SCAF4: variants seen among roughly 807,000 people sequenced by gnomAD.
SCAF4 encodes the protein SR-related CTD associated factor 4.
SCAF4 carries 25 observed loss-of-function variants against 129.8 expected under a neutral mutation model. The ratio of observed to expected loss-of-function variants is 0.19; its 90% CI spans 0.14 to 0.27. The LOEUF (loss-of-function observed/expected upper bound fraction) is 0.27. SCAF4 is among the 10% of genes least tolerant of loss of function. The pLI is 1.00. For missense variants in SCAF4, 1,246 were observed against 1,457.1 expected, an observed-to-expected ratio of 0.86 and a Z score of 2.36; for synonymous variants, 551 against 497.7, an observed-to-expected ratio of 1.11 and a Z score of -1.43.
At chr21:31,709,175 C>A (rs2050738768) in intron 1 of SCAF4, among the ~76,000 whole-genome samples, 1 of 152,056 alleles carries the variant, frequency 6.6e-6, no homozygotes, top group South Asian at 2.1e-4. Flanking sequence ...CACTGGTATC[C>A]CCATCACTGT....
Position 31,696,315 on chromosome 21 carries a change from T to G in SCAF4, c.960-94A>C, listed in dbSNP as rs191721460. Reference sequence around the variant, plus strand: ...AAACAGAGTGTTGTTCATGAGTCATTAACATTTTACTGAACCATATATTTA... The same window carrying G: ...AAACAGAGTGTTGTTCATGAGTCATGAACATTTTACTGAACCATATATTTA... On this transcript the variant is annotated intron_variant, in intron 8 of 19. Transcript: ENST00000286835. 6.8e-5 allele frequency: 64 copies of G among 939,858 alleles called. No homozygotes were observed. In the African/African-American group the frequency reaches 9.5e-4, roughly 14 times the overall value. 58.2% of individuals were successfully genotyped at this position (939,858 alleles called of 1,614,324 possible).
At position 31,696,193 on chromosome 21, in the gene SCAF4, G is replaced by C. The variant is rs1298964786; in HGVS notation, c.988C>G (p.Pro330Ala). The C allele has an allele frequency of 1.9e-6, 3 of 1,613,678 alleles. No individual in the cohort carries two copies. The Admixed American group carries it at 5.0e-5, about 27-fold the overall frequency. The change falls in exon 9 of 20, where the codon CCA becomes GCA. Residue 330 changes from proline (P) to alanine (A), a missense_variant. Pro to Ala is a conservative substitution (Grantham distance 27). Around this residue, in one of 6 missense-constraint regions of SCAF4, gnomAD observed 236 missense variants for 210.0 expected, o/e 1.12. Transcript: ENST00000286835. ...ATATTTTGATGCTGTGTGTATGCTG[G>C]CTGCTGCATGCCATCTCCAGGAAAG... ...FGFPGDGMQQ[P>A]AYTQHQNMDQ... is the part of the protein sequence containing the mutation.
chr21:31,711,533 G>A (rs2050798771), intron 1 of SCAF4, among the ~76,000 whole-genome samples: 1 of 152,204 alleles, frequency 6.6e-6, no homozygotes, highest in Non-Finnish European at 1.5e-5. Context: ...CCATTTTACA[G>A]ATGATAGCAC....
At position 31,725,267 on chromosome 21, in the gene SCAF4, TA is replaced by T. The variant is rs143522390; in HGVS notation, c.30+6395del. 2.2e-3 allele frequency among the ~76,000 whole-genome samples: 326 copies of T among 149,148 alleles called. 2 individuals are homozygous for T. Among genetic ancestry groups the T allele is most frequent in the Non-Finnish European group, 3.2e-3 (212 of 66,980 alleles). On this transcript the variant is annotated intron_variant, in intron 1 of 19. Transcript: ENST00000286835. Reference sequence around the variant, plus strand: ...AACCCCAAACATTAACACTACAGGTTAAAAAAAAAATACTTAATAAGGCATC... The same window carrying T: ...AACCCCAAACATTAACACTACAGGTTAAAAAAAAATACTTAATAAGGCATC...
At chr21:31,686,478 G>A (rs1375902123) in intron 16 of SCAF4, among the ~76,000 whole-genome samples, 2 of 152,172 alleles carry the variant, frequency 1.3e-5, no homozygotes, top group African/African-American at 2.4e-5. Context: ...CCTTGAGCAA[G>A]CTATTTAAAT....
At chr21:31,690,752 C>T in intron 15 of SCAF4, 45 bp downstream of exon 15, 1 of 1,564,192 alleles carries the variant, frequency 6.4e-7, no homozygotes, top group Non-Finnish European at 8.7e-7. Context: ...ATATGTACTA[C>T]CAAGCAAATA....
In SCAF4 at chr21:31,694,934, G is replaced by A; in HGVS notation, c.1115C>T (p.Pro372Leu). 1 of 1,614,080 alleles carries A rather than the reference G, an allele frequency of 6.2e-7. No individual in the cohort carries two copies. Among genetic ancestry groups the A allele is most frequent in the South Asian group, 1.1e-5 (1 of 91,082 alleles). The change falls in exon 10 of 20, where the codon CCT (proline) becomes CTT (leucine). Residue 372 changes from proline to leucine, a missense_variant. Physicochemically the swap from Pro to Leu is moderately conservative, Grantham distance 98. Coordinates refer to ENST00000286835, the MANE Select transcript of SCAF4 (RefSeq NM_020706.2). ...NGQMPGFGLL[P>L]TPPFPPMAQP... Reference sequence around the variant, plus strand: ...AGCCATGGGAGGAAATGGAGGTGTAGGAAGAAGTCCAAATCCTGGCATTTG... The same window carrying A: ...AGCCATGGGAGGAAATGGAGGTGTAAGAAGAAGTCCAAATCCTGGCATTTG...
chr21:31,688,145 A>AAAT (rs2050172372), intron 16 of SCAF4, among the ~76,000 whole-genome samples, 162 bp downstream of exon 16: 1 of 143,694 alleles, frequency 7.0e-6, no homozygotes, highest in Non-Finnish European at 1.5e-5. Context: ...AAAAAAAAAA[A>AAAT]GTGAAGAATA....
intron 1 of SCAF4, chr21:31,706,740 G>A (rs889460667): frequency 8.6e-6 from 2 of 232,442 alleles, no homozygotes; most frequent in Admixed American, 5.4e-5. Context: ...GAAAGGGAGG[G>A]GGAGCAAAGA....
Position 31,729,210 on chromosome 21 carries a change from A to G in SCAF4, c.30+2453T>C, listed in dbSNP as rs538320079. Among the ~76,000 whole-genome samples the G allele has an allele frequency of 9.7e-4, 148 of 152,186 alleles. 1 individual carries two copies. Among genetic ancestry groups the G allele is most frequent in the Non-Finnish European group, 1.9e-3 (130 of 68,006 alleles). ...ACATGAAACTTGTCAGGCCCAAACTACTTTACCATCCTTACTTTCCAGTAG... is the reference window on the plus strand; with the variant it reads ...ACATGAAACTTGTCAGGCCCAAACTGCTTTACCATCCTTACTTTCCAGTAG... On this transcript the variant is annotated intron_variant, in intron 1 of 19. Transcript: ENST00000286835.
rs1601296227 is a variant in SCAF4 at position 31,732,033 on chromosome 21, C to T, written c.-341G>A. ...CCCTCACGCACTGGCTCACACTGGC[C>T]CGGCCGGCGAGCGGGCGGGCCTCTC... On this transcript the variant is annotated 5_prime_UTR_variant, in exon 1 of 20. Transcript: ENST00000286835. 2.3e-6 allele frequency: 1 copy of T among 435,108 alleles called. No individual in the cohort carries two copies. The highest frequency in any genetic ancestry group is 3.6e-5 in the East Asian group (1 of 27,970). 27.0% of individuals were successfully genotyped at this position (435,108 alleles called of 1,614,324 possible).
At position 31,671,761 on chromosome 21, in the gene SCAF4, G is replaced by A. The variant is rs764699131; in HGVS notation, c.3082C>T (p.Arg1028Cys). 8 of 1,613,976 alleles carry A rather than the reference G, an allele frequency of 5.0e-6. No individual in the cohort carries two copies. Among genetic ancestry groups the A allele is most frequent in the Middle Eastern group, 1.6e-4 (1 of 6,062 alleles). Residue 1028 changes from arginine to cysteine, a missense_variant, in exon 20 of 20, where the codon CGT becomes TGT. Arg to Cys is a radical substitution (Grantham distance 180). Coordinates refer to ENST00000286835, the MANE Select transcript of SCAF4 (RefSeq NM_020706.2). ...CTCCTTCCCCACTCTCTCCTGTCAC[G>A]GTTACTATTATCTCTATCATCATTA... Reference protein sequence around the residue: ...NRNDDRDNSNRDRREWGRRSP... With the variant: ...NRNDDRDNSNCDRREWGRRSP...
At chr21:31,700,779 G>A in intron 7 of SCAF4, 1 of 340,874 alleles carries the variant, frequency 2.9e-6, no homozygotes, top group Non-Finnish European at 5.2e-6. Flanking sequence ...TTTTACACTA[G>A]TAAATTCAGC....
rs1360475509 is a variant in SCAF4, at chr21:31,711,319, G to A, written c.31-4962C>T. 3.3e-5 allele frequency among the ~76,000 whole-genome samples: 5 copies of A among 152,108 alleles called. No individual in the cohort carries two copies. The East Asian group carries it at 5.8e-4, about 18-fold the overall frequency. On this transcript the variant is annotated intron_variant, in intron 1 of 19. Transcript: ENST00000286835. ...TATTTAATGCACAAATTCACCAAAC[G>A]GTCTCTACCTTTTGCAAGACAAAAA...
At position 31,701,083 on chromosome 21, in the gene SCAF4, A is replaced by G; in HGVS notation, c.689T>C (p.Ile230Thr). The change falls in exon 7 of 20, where the codon ATC becomes ACC. Residue 230 changes from isoleucine (I) to threonine (T), a missense_variant. This residue lies in a region of SCAF4 where 143 missense variants were observed against 161.0 expected (regional missense o/e 0.89). Coordinates refer to ENST00000286835, the MANE Select transcript of SCAF4 (RefSeq NM_020706.2). ...DNAVMAQVQAITAQLKTTPTQ... is the reference protein window; with the variant it reads ...DNAVMAQVQATTAQLKTTPTQ... ...AGGAGTTGTCTTTAACTGAGCTGTG[A>G]TAGCCTGAACCTGAGCCATCACAGC... The G allele has an allele frequency of 6.2e-7, 1 of 1,614,128 alleles. No homozygotes were observed. Among genetic ancestry groups the G allele is most frequent in the Non-Finnish European group, 8.5e-7 (1 of 1,180,000 alleles).
At chr21:31,703,503 T>A (rs941989770) in intron 4 of SCAF4, among the ~76,000 whole-genome samples, 4 of 152,052 alleles carry the variant, frequency 2.6e-5, no homozygotes, top group African/African-American at 9.7e-5. Context: ...TTACCCCTAG[T>A]CCCTGGCAAC....
intron 16 of SCAF4, among the ~76,000 whole-genome samples, chr21:31,686,217 G>GAAAAAAAAAAAAA (rs78764330): frequency 2.2e-5 from 2 of 88,898 alleles, no homozygotes; most frequent in Non-Finnish European, 2.2e-5. Context: ...AAAAAAAAAA[G>GAAAAAAAAAAAAA]AAAAAAAAAA....
intron 14 of SCAF4, among the ~76,000 whole-genome samples, chr21:31,691,452 A>G (rs545455173): frequency 6.6e-6 from 1 of 152,272 alleles, no homozygotes; most frequent in South Asian, 2.1e-4. Context: ...TTTGGTGAAT[A>G]TTTTTCAGTT....
chr21:31,689,444 C>T (rs2050205843), intron 15 of SCAF4, among the ~76,000 whole-genome samples: 1 of 150,740 alleles, frequency 6.6e-6, no homozygotes, highest in South Asian at 2.1e-4. Flanking sequence ...ATTACAGACA[C>T]CCGCCACCAC....
Sources: allele counts gnomAD v4.1 joint callset (sites outside exome capture counted in the v4.1 genomes callset), GRCh38; gene constraint gnomAD v4.1.1; regional missense constraint gnomAD v4.1.1; transcripts MANE v1.5; gene names NCBI Gene and HGNC (gene_info 2026-07-23, HGNC 2026-07-21).